Variants in BLTP1 observed in about 807,000 individuals in gnomAD.
BLTP1 encodes the protein fragile site-associated protein.
At chr4:122,226,675 A>G in the BLTP1 span, 1 of 1,611,778 alleles carries the variant, frequency 6.2e-7, no homozygotes. Flanking sequence ...GAATGCTAAC[A>G]GTGTTGTCAA....
chr4:122,307,879 GT>G, the BLTP1 span: 1 of 1,543,600 alleles, frequency 6.5e-7, no homozygotes, highest in Non-Finnish European at 8.7e-7. Flanking sequence ...CAGCTTTTGA[GT>G]TTTACTTAAC....
At chr4:122,170,214 G>A in the BLTP1 span, 1 of 376,608 alleles carries the variant, frequency 2.7e-6, no homozygotes, top group Non-Finnish European at 3.6e-6. Context: ...GCTGAGGCAG[G>A]AGAATCGCTT....
the BLTP1 span, among the ~76,000 whole-genome samples, chr4:122,158,732 C>T: frequency 6.6e-6 from 1 of 152,078 alleles, no homozygotes; most frequent in Non-Finnish European, 1.5e-5. Context: ...GATTGCGCCA[C>T]TGCACTCCAG....
chr4:122,239,758 G>A, the BLTP1 span: 1 of 1,614,120 alleles, frequency 6.2e-7, no homozygotes, highest in Non-Finnish European at 8.5e-7. Context: ...CCAAAGCAGA[G>A]GAGAAGTTTT....
At chr4:122,247,280 C>T in the BLTP1 span, 15 of 1,613,352 alleles carry the variant, frequency 9.3e-6, no homozygotes, top group South Asian at 1.3e-4. Context: ...AATGCTGGAG[C>T]AGAAAAAGGC....
chr4:122,214,264 A>C, the BLTP1 span: 1 of 938,450 alleles, frequency 1.1e-6, no homozygotes, highest in Non-Finnish European at 1.3e-6. Flanking sequence ...CAAGACACTC[A>C]TATACCAAAA....
chr4:122,152,400 G>A, the BLTP1 span: 1 of 985,476 alleles, frequency 1.0e-6, no homozygotes, highest in Non-Finnish European at 1.2e-6. Flanking sequence ...GGTGGCTGCG[G>A]CCAGGGTCTG....
chr4:122,257,718 G>A, the BLTP1 span, among the ~76,000 whole-genome samples: 9 of 152,026 alleles, frequency 5.9e-5, no homozygotes, highest in Admixed American at 5.9e-4. Flanking sequence ...TGTTAATATG[G>A]TACTTGTGAT....
At chr4:122,205,222 A>G in the BLTP1 span, among the ~76,000 whole-genome samples, 226 of 151,982 alleles carry the variant, frequency 1.5e-3, no homozygotes, top group African/African-American at 5.2e-3. Context: ...AATATTTCAC[A>G]GTTTTACCTG....
At chr4:122,173,049 CT>C in the BLTP1 span, 1 of 1,613,050 alleles carries the variant, frequency 6.2e-7, no homozygotes, top group Non-Finnish European at 8.5e-7. Flanking sequence ...CCATTTTGTC[CT>C]GTGGATGGAT....
At chr4:122,268,065 C>T in the BLTP1 span, among the ~76,000 whole-genome samples, 3 of 151,698 alleles carry the variant, frequency 2.0e-5, no homozygotes, top group Middle Eastern at 3.2e-3. Context: ...TAACAATGAC[C>T]GTACAAGCTG....
chr4:122,223,310 G>A, the BLTP1 span, among the ~76,000 whole-genome samples: 179 of 152,282 alleles, frequency 1.2e-3, no homozygotes, highest in African/African-American at 3.9e-3. Context: ...AACCCTGTGA[G>A]ATAGCCTAGA....
the BLTP1 span, chr4:122,259,957 A>T: frequency 1.1e-6 from 1 of 869,948 alleles, no homozygotes; most frequent in East Asian, 1.2e-4. Context: ...TTAAATAAAA[A>T]TTTCTACACA....
the BLTP1 span, chr4:122,171,996 T>G: frequency 1.1e-6 from 1 of 881,528 alleles, no homozygotes; most frequent in South Asian, 5.2e-5. Flanking sequence ...ACACAGTGAT[T>G]TATAGTAAAA....
chr4:122,334,309 A>G, the BLTP1 span: 1 of 1,444,408 alleles, frequency 6.9e-7, no homozygotes, highest in Admixed American at 1.7e-5. Flanking sequence ...CATCTTCATA[A>G]TTTTAATTTT....
At chr4:122,153,964 G>A in the BLTP1 span, 3 of 979,268 alleles carry the variant, frequency 3.1e-6, no homozygotes, top group Non-Finnish European at 3.6e-6. Context: ...ATCAGAAATG[G>A]TTATGCTGCT....
chr4:122,185,628 A>G, the BLTP1 span, among the ~76,000 whole-genome samples: 2 of 152,108 alleles, frequency 1.3e-5, no homozygotes, highest in Non-Finnish European at 2.9e-5. Flanking sequence ...CTGTGATGCA[A>G]AAGTTCAAAT....
the BLTP1 span, among the ~76,000 whole-genome samples, chr4:122,191,129 T>G: frequency 6.6e-6 from 1 of 152,200 alleles, no homozygotes; most frequent in African/African-American, 2.4e-5. Flanking sequence ...TTGTCAAATG[T>G]TGACCTTTGA....
chr4:122,348,924 G>A, the BLTP1 span: 2 of 535,516 alleles, frequency 3.7e-6, no homozygotes, highest in South Asian at 7.4e-5. Flanking sequence ...TATAAAAAGG[G>A]AATCAATTAT....
Sources: allele counts gnomAD v4.1 joint callset (sites outside exome capture counted in the v4.1 genomes callset), GRCh38; gene constraint gnomAD v4.1.1; transcripts MANE v1.5; gene names NCBI Gene and HGNC (gene_info 2026-07-23, HGNC 2026-07-21).